Variants in MAP7 observed in about 807,000 individuals in gnomAD.
MAP7 encodes the protein microtubule associated protein 7, also known as ensconsin.
MAP7 carries 52 observed loss-of-function variants against 94.8 expected under a neutral mutation model. That is an observed-to-expected ratio of 0.55 (90% CI 0.44 to 0.69). MAP7 has a LOEUF of 0.69. Ranked by LOEUF, MAP7 falls within the 30% of genes least tolerant of loss-of-function variation. The pLI is 0.00. For synonymous variants in MAP7, 350 were observed against 357.0 expected, an observed-to-expected ratio of 0.98 and a Z score of 0.22; for missense variants, 940 against 964.6, an observed-to-expected ratio of 0.97 and a Z score of 0.34.
intron 1 of MAP7, among the ~76,000 whole-genome samples, chr6:136,458,125 T>G (rs78339582): frequency 1.3e-5 from 2 of 152,290 alleles, no homozygotes; most frequent in East Asian, 3.9e-4. Context: ...CAGTTGCATT[T>G]CTACATACTA....
Position 136,343,208 on chromosome 6 carries a change from A to C in MAP7, c.*1020T>G, listed in dbSNP as rs919549804. ...GGTGAAAAGCTGACAGATGCCACGC[A>C]GAGCAAGGACTTCCATGAAGGTCCG... On this transcript the variant is annotated 3_prime_UTR_variant, in exon 18 of 18. Coordinates refer to ENST00000354570, the MANE Select transcript of MAP7 (RefSeq NM_003980.6). The C allele has an allele frequency of 3.3e-5, 5 of 152,698 alleles. No homozygotes were observed. The highest frequency in any genetic ancestry group is 5.9e-5 in the Non-Finnish European group (4 of 68,046). The allele number at this position is 152,698 out of a possible 1,614,324, so 9.5% of individuals were successfully genotyped here.
intron 1 of MAP7, among the ~76,000 whole-genome samples, chr6:136,538,778 A>G (rs1267612507): frequency 1.4e-5 from 2 of 139,726 alleles, no homozygotes; most frequent in African/African-American, 5.5e-5. Flanking sequence ...GTGACAGAGC[A>G]CCAGAGCAAG....
At chr6:136,492,116 A>C (rs772156584) in intron 1 of MAP7, among the ~76,000 whole-genome samples, 9 of 152,300 alleles carry the variant, frequency 5.9e-5, no homozygotes, top group Non-Finnish European at 1.2e-4. Context: ...GTGGGGGGAG[A>C]GATGATTTCA....
chr6:136,509,858 G>A (rs1201747128), intron 1 of MAP7, among the ~76,000 whole-genome samples: 1 of 152,178 alleles, frequency 6.6e-6, no homozygotes, highest in East Asian at 1.9e-4. Flanking sequence ...GCCCTGCCTG[G>A]AAGCTAATTT....
At chr6:136,501,853 G>A (rs1165167437) in intron 1 of MAP7, among the ~76,000 whole-genome samples, 1 of 152,150 alleles carries the variant, frequency 6.6e-6, no homozygotes, top group Non-Finnish European at 1.5e-5. Context: ...CTACTCACTG[G>A]AACATCTGGA....
At chr6:136,492,720 A>G (rs1057396416) in intron 1 of MAP7, among the ~76,000 whole-genome samples, 18 of 152,236 alleles carry the variant, frequency 1.2e-4, no homozygotes, top group Admixed American at 1.1e-3. Context: ...ATCTTAACTT[A>G]GCTAGATGAA....
intron 1 of MAP7, among the ~76,000 whole-genome samples, chr6:136,535,740 T>C (rs1256392572): frequency 6.6e-6 from 1 of 151,922 alleles, no homozygotes; most frequent in Non-Finnish European, 1.5e-5. Flanking sequence ...TTGTCATCTT[T>C]TTTTTTCTTT....
Position 136,362,364 on chromosome 6 carries a change from A to G in MAP7, c.1526+86T>C, listed in dbSNP as rs553450847. ...AACTAATCCATTCACTTTCATCAGT[A>G]TTATCACCTCCTCCCTCTCAGAGGG... On this transcript the variant is annotated intron_variant, in intron 11 of 17. Transcript: ENST00000354570. 4 of 1,513,648 alleles carry G rather than the reference A, an allele frequency of 2.6e-6. No individual in the cohort carries two copies. In the East Asian group the frequency reaches 9.1e-5, roughly 34 times the overall value. The allele number at this position is 1,513,648 out of a possible 1,614,324, so 93.8% of individuals were successfully genotyped here.
chr6:136,397,494 G>A (rs1365317181), intron 3 of MAP7, among the ~76,000 whole-genome samples: 1 of 109,586 alleles, frequency 9.1e-6, no homozygotes, highest in Admixed American at 1.0e-4. Flanking sequence ...ATTGTTCCCC[G>A]CCCACCTTGC....
At chr6:136,489,526 CTTTTTT>C (rs1164047042) in intron 1 of MAP7, among the ~76,000 whole-genome samples, 2 of 102,988 alleles carry the variant, frequency 1.9e-5, no homozygotes, top group East Asian at 2.9e-4. Flanking sequence ...CATCAGGTTT[CTTTTTT>C]TTTTTTTTTT....
intron 3 of MAP7, among the ~76,000 whole-genome samples, chr6:136,391,734 T>C (rs1394346303): frequency 6.7e-6 from 1 of 148,498 alleles, no homozygotes; most frequent in Non-Finnish European, 1.5e-5. Context: ...AAAAAATAAA[T>C]ACCACTGTGA....
At chr6:136,438,262 C>G (rs1233039123) in intron 1 of MAP7, among the ~76,000 whole-genome samples, 1 of 152,202 alleles carries the variant, frequency 6.6e-6, no homozygotes, top group Non-Finnish European at 1.5e-5. Flanking sequence ...TTTACATAAT[C>G]ACATCTAATT....
intron 6 of MAP7, among the ~76,000 whole-genome samples, chr6:136,383,016 G>A (rs867638210): frequency 1.3e-5 from 2 of 152,162 alleles, no homozygotes; most frequent in Middle Eastern, 3.4e-3. Flanking sequence ...CAACATTCAT[G>A]TACTGTAAAT....
Position 136,365,790 on chromosome 6 carries a change from C to T in MAP7, c.1218G>A (p.Lys406=), listed in dbSNP as rs1166905924. ...PSLKGRAPLV[K]VEEATVEERT... The stretch of plus-strand genomic sequence containing the variant: ...GCTCTTCAACTGTGGCTTCTTCTAC[C>T]TTCACTAAAGGTGCTCTGCCCTTTA... The change falls in exon 10 of 18, where the codon AAG becomes AAA. Residue 406 remains lysine, a synonymous_variant. Coordinates refer to ENST00000354570, the MANE Select transcript of MAP7 (RefSeq NM_003980.6). 1 of 1,614,042 alleles carries T rather than the reference C, an allele frequency of 6.2e-7. No individual in the cohort carries two copies. Among genetic ancestry groups the T allele is most frequent in the Non-Finnish European group, 8.5e-7 (1 of 1,180,032 alleles).
At chr6:136,473,796 C>CT (rs1809880553) in intron 1 of MAP7, among the ~76,000 whole-genome samples, 1 of 152,106 alleles carries the variant, frequency 6.6e-6, no homozygotes, top group Non-Finnish European at 1.5e-5. Flanking sequence ...AAAGAGAACC[C>CT]TTATTGCTTC....
intron 16 of MAP7, among the ~76,000 whole-genome samples, chr6:136,350,425 G>C (rs577100059): frequency 1.3e-5 from 2 of 152,218 alleles, no homozygotes; most frequent in South Asian, 2.1e-4. Context: ...AATATTTATG[G>C]ATGTGATTTG....
intron 1 of MAP7, among the ~76,000 whole-genome samples, chr6:136,499,404 A>G (rs1412484915): frequency 2.0e-5 from 3 of 152,142 alleles, no homozygotes; most frequent in African/African-American, 7.3e-5. Flanking sequence ...CCCCAAGGTA[A>G]GTACTGTTAT....
At chr6:136,542,083 CA>C (rs1177673621) in intron 1 of MAP7, among the ~76,000 whole-genome samples, 1 of 152,082 alleles carries the variant, frequency 6.6e-6, no homozygotes. Flanking sequence ...AAAAAAATTT[CA>C]AAGTGGTACC....
At chr6:136,372,818 C>T (rs1326066608) in intron 7 of MAP7, among the ~76,000 whole-genome samples, 193 bp from the exon 8 acceptor site, 1 of 152,074 alleles carries the variant, frequency 6.6e-6, no homozygotes, top group Non-Finnish European at 1.5e-5. Context: ...TCCTTACAGT[C>T]CTATGAATTT....
Sources: gnomAD v4.1 joint callset for allele counts (sites outside exome capture counted in the v4.1 genomes callset) on GRCh38, gnomAD v4.1.1 for gene constraint, MANE v1.5 for transcripts, NCBI Gene and HGNC (gene_info 2026-07-23, HGNC 2026-07-21) for gene names.